VCAM1: variants seen among roughly 807,000 people sequenced by gnomAD.
The protein encoded by VCAM1 is vascular cell adhesion protein 1.
Under a neutral mutation model 63.8 loss-of-function variants are expected in VCAM1, and 41 were observed. That is an observed-to-expected ratio of 0.64 (90% CI 0.50 to 0.83). The LOEUF (loss-of-function observed/expected upper bound fraction) is 0.83, where lower values mean the gene tolerates loss of function less well. Ranked by LOEUF, VCAM1 falls within the 40% of genes least tolerant of loss-of-function variation. The pLI is 0.00. For synonymous variants in VCAM1, 338 were observed against 320.7 expected (o/e 1.05, Z -0.58); for missense variants, 798 against 875.5 (o/e 0.91, Z 1.12).
At chr1:100,720,328 G>T in intron 1 of VCAM1, 148 bp from the exon 2 acceptor site, 3 of 1,075,340 alleles carry the variant, frequency 2.8e-6, no homozygotes, top group African/African-American at 1.6e-5. Context: ...CAGTGACTTC[G>T]GTGCTTTTTG....
rs1009042927 is a variant in VCAM1 at position 100,723,039 on chromosome 1, G to C, written c.360G>C (p.Glu120Asp). The C allele has an allele frequency of 1.9e-6, 3 of 1,610,952 alleles. No individual in the cohort carries two copies. In the East Asian group the frequency reaches 6.7e-5, roughly 36 times the overall value. ...TTTCAGCTTTTCCTAAGGATCCAGA[G>C]ATTCATTTGAGTGGCCCTCTGGAGG... is the stretch of plus-strand genomic sequence containing the variant. ...VEIYSFPKDP[E>D]IHLSGPLEAG... The change falls in exon 3 of 9, where the codon GAG (glutamate) becomes GAC (aspartate). Residue 120 changes from glutamate (E) to aspartate (D), a missense_variant. Glu to Asp is a conservative substitution (Grantham distance 45, BLOSUM62 2). Transcript: ENST00000294728.
At chr1:100,728,214 C>T (rs968977452) in intron 4 of VCAM1, among the ~76,000 whole-genome samples, 3 of 152,042 alleles carry the variant, frequency 2.0e-5, no homozygotes, top group African/African-American at 7.2e-5. Context: ...CCTCACATCT[C>T]GGCTTTCAGA....
Position 100,734,772 on chromosome 1 carries a change from A to AT in VCAM1, c.2059+4_2059+5insT. 1 of 1,612,216 alleles carries AT rather than the reference A, an allele frequency of 6.2e-7. No individual in the cohort carries two copies. Among genetic ancestry groups the AT allele is most frequent in the Non-Finnish European group, 8.5e-7 (1 of 1,179,052 alleles). On this transcript the variant is annotated splice_donor_region_variant and intron_variant, in intron 8 of 8. Coordinates refer to ENST00000294728, the MANE Select transcript of VCAM1 (RefSeq NM_001078.4). ...AGTTTAACACTTGATGTTCAAGGTG[A>AT]GTTTGTTTTGAGTTTTTGTTTTCTT...
At position 100,723,312 on chromosome 1, in the gene VCAM1, G is replaced by A. The variant is rs377765811; in HGVS notation, c.633G>A (p.Arg211=). Reference sequence around the variant, plus strand: ...AAATGGATTCTGTGCCCACAGTAAGGCAGGCTGTAAAAGAATTGCAAGTCT... The same window carrying A: ...AAATGGATTCTGTGCCCACAGTAAGACAGGCTGTAAAAGAATTGCAAGTCT... ...IDEMDSVPTV[R]QAVKELQVYI... Residue 211 remains arginine, a synonymous_variant, in exon 3 of 9, where the codon AGG becomes AGA. Transcript: ENST00000294728. 6 of 1,612,620 alleles carry A rather than the reference G, an allele frequency of 3.7e-6. No homozygotes were observed. The African/African-American group carries it at 8.0e-5, about 22-fold the overall frequency.
Position 100,720,733 on chromosome 1 carries a change from A to G in VCAM1, c.322A>G (p.Ile108Val). The G allele has an allele frequency of 1.2e-6, 2 of 1,612,124 alleles. No homozygotes were observed. Among genetic ancestry groups the G allele is most frequent in the South Asian group, 1.1e-5 (1 of 90,884 alleles). ...TGAATCTAGGAAATTGGAAAAAGGA[A>G]TCCAGGTGGAGATCTACTGTGAGTG... ...TCESRKLEKG[I>V]QVEIYSFPKD... Residue 108 changes from isoleucine (I) to valine (V), a missense_variant, in exon 2 of 9, where the codon ATC (isoleucine) becomes GTC (valine). Transcript: ENST00000294728.
At chr1:100,728,950 C>T (rs1447200583) in intron 4 of VCAM1, among the ~76,000 whole-genome samples, 157 bp from the exon 5 acceptor site, 1 of 151,980 alleles carries the variant, frequency 6.6e-6, no homozygotes, top group Admixed American at 6.6e-5. Context: ...GATGTGGGCT[C>T]ATTTCTGATG....
intron 8 of VCAM1, 130 bp from the exon 9 acceptor site, chr1:100,737,993 C>T: frequency 9.9e-7 from 1 of 1,013,930 alleles, no homozygotes; most frequent in African/African-American, 1.6e-5. Context: ...TCCTGATGGT[C>T]CTTATCACTG....
At chr1:100,737,862 G>T in intron 8 of VCAM1, 1 of 261,448 alleles carries the variant, frequency 3.8e-6, no homozygotes, top group Non-Finnish European at 7.3e-6. Context: ...TTTTACAACT[G>T]AACCTGAATC....
intron 2 of VCAM1, among the ~76,000 whole-genome samples, chr1:100,721,769 T>C (rs374511033): frequency 6.6e-6 from 1 of 152,082 alleles, no homozygotes; most frequent in African/African-American, 2.4e-5. Flanking sequence ...CCCGAGCTCC[T>C]TGAAAGCTTC....
intron 8 of VCAM1, chr1:100,735,295 T>G (rs1660611341): frequency 6.5e-6 from 1 of 154,520 alleles, no homozygotes; most frequent in African/African-American, 2.4e-5. Context: ...CCAACCCACT[T>G]GCCATCCTAC....
chr1:100,727,760 C>G (rs1184561207), intron 4 of VCAM1, among the ~76,000 whole-genome samples: 1 of 152,064 alleles, frequency 6.6e-6, no homozygotes, highest in Non-Finnish European at 1.5e-5. Context: ...CTCACACTAG[C>G]ATATAAAAAA....
intron 4 of VCAM1, among the ~76,000 whole-genome samples, chr1:100,727,053 G>GTGTGTGTA (rs1198051724): frequency 6.6e-6 from 1 of 150,414 alleles, no homozygotes; most frequent in Non-Finnish European, 1.5e-5. Flanking sequence ...CTGTGTGTGT[G>GTGTGTGTA]TGTGTGTGTG....
intron 3 of VCAM1, among the ~76,000 whole-genome samples, chr1:100,724,052 A>AGAG (rs1402627365): frequency 1.3e-5 from 2 of 152,106 alleles, no homozygotes; most frequent in African/African-American, 4.8e-5. Flanking sequence ...TAGTCAAGAT[A>AGAG]GAGGATATTT....
rs3176878 is a variant in VCAM1, at chr1:100,738,142, C to T, written c.2079C>T (p.Asp693=). The T allele has an allele frequency of 0.16, 254,877 of 1,612,012 alleles. 21,597 individuals are homozygous for T. Among genetic ancestry groups the T allele is most frequent in the Admixed American group, 0.26 (15,447 of 59,924 alleles). The change falls in exon 9 of 9, where the codon GAC becomes GAT. Residue 693 remains aspartate (D), a synonymous_variant. Transcript: ENST00000294728. ...LDVQGRENNK[D]YFSPELLVLY... is the part of the protein sequence containing the mutation. ...TTCCAGGAAGAGAAAACAACAAAGACTATTTTTCTCCTGAGCTTCTCGTGC... is the reference window on the plus strand; with the variant it reads ...TTCCAGGAAGAGAAAACAACAAAGATTATTTTTCTCCTGAGCTTCTCGTGC...
chr1:100,730,606 A>G (rs1019328225), intron 5 of VCAM1, among the ~76,000 whole-genome samples: 2 of 152,140 alleles, frequency 1.3e-5, no homozygotes, highest in African/African-American at 4.8e-5. Context: ...CTTATTTGAT[A>G]CTGAGAGACT....
intron 2 of VCAM1, among the ~76,000 whole-genome samples, chr1:100,722,700 T>C (rs1329443940): frequency 1.3e-5 from 2 of 152,072 alleles, no homozygotes; most frequent in Non-Finnish European, 2.9e-5. Context: ...AATGAAATCA[T>C]TCATGTTAAA....
chr1:100,732,632 A>C lies in VCAM1; in HGVS notation c.1740A>C (p.Glu580Asp), dbSNP rs1232982471. The change falls in exon 7 of 9, where the codon GAA (glutamate) becomes GAC (aspartate). Residue 580 changes from glutamate to aspartate, a missense_variant. Transcript: ENST00000294728. ...AAGATTCTGGGGTTTATTTATGTGA[A>C]GGAATTAACCAGGCTGGAAGAAGCA... is the stretch of plus-strand genomic sequence containing the variant. ...KMEDSGVYLCEGINQAGRSRK... is the reference protein window; with the variant it reads ...KMEDSGVYLCDGINQAGRSRK... 2 of 1,611,334 alleles carry C rather than the reference A, an allele frequency of 1.2e-6. No homozygotes were observed. The highest frequency in any genetic ancestry group is 2.2e-5 in the South Asian group (2 of 90,262).
chr1:100,731,508 T>C lies in VCAM1; in HGVS notation c.1515T>C (p.Leu505=). 6.2e-7 allele frequency: 1 copy of C among 1,612,680 alleles called. No homozygotes were observed. The highest frequency in any genetic ancestry group is 8.5e-7 in the Non-Finnish European group (1 of 1,179,438). Residue 505 remains leucine, a synonymous_variant, in exon 6 of 9, where the codon CTT becomes CTC. Coordinates refer to ENST00000294728, the MANE Select transcript of VCAM1 (RefSeq NM_001078.4). The surrounding 1 kb of genome is among the most constrained non-coding windows in gnomAD (Gnocchi z 4.2). ...EPKQRQSTQT[L]YVNVAPRDTT... ...AACAAAGGCAGAGTACGCAAACACT[T>C]TATGTCAATGGTAAGTACATATGTG...
intron 3 of VCAM1, 78 bp downstream of exon 3, chr1:100,723,418 A>G: frequency 7.1e-7 from 1 of 1,417,758 alleles, no homozygotes; most frequent in Non-Finnish European, 9.5e-7. Context: ...TTAGCAGAAA[A>G]GTAAAAAAAA....
Sources: allele counts gnomAD v4.1 joint callset (sites outside exome capture counted in the v4.1 genomes callset), GRCh38; gene constraint gnomAD v4.1.1; non-coding constraint Gnocchi (gnomAD v3.1); transcripts MANE v1.5; gene names NCBI Gene and HGNC (gene_info 2026-07-23, HGNC 2026-07-21).